The following GREB1 variants were observed in gnomAD, a reference collection of about 807,000 sequenced individuals.
GREB1 encodes protein GREB1.
GREB1 carries 106 observed loss-of-function variants against 200.7 expected under a neutral mutation model. The ratio of observed to expected loss-of-function variants is 0.53; its 90% CI spans 0.45 to 0.62. The LOEUF (loss-of-function observed/expected upper bound fraction) is 0.62. Among genes scored for constraint, GREB1 ranks in the 20% least tolerant of loss-of-function variants. GREB1 has a pLI of 0.00. For missense variants in GREB1, 2,243 were observed against 2,556.8 expected, an observed-to-expected ratio of 0.88 and a Z score of 2.65; for synonymous variants, 1,132 against 1,092.4, an observed-to-expected ratio of 1.04 and a Z score of -0.72.
At chr2:11,559,567 T>C (rs900988928) in intron 2 of GREB1, among the ~76,000 whole-genome samples, 1 of 152,214 alleles carries the variant, frequency 6.6e-6, no homozygotes, top group African/African-American at 2.4e-5. Context: ...TGGGGGCTGC[T>C]GGTTTTAGTT....
chr2:11,559,314 T>C (rs1193993735), intron 2 of GREB1, among the ~76,000 whole-genome samples: 1 of 152,220 alleles, frequency 6.6e-6, no homozygotes, highest in Non-Finnish European at 1.5e-5. Context: ...CGGGCAGGAA[T>C]GTCCCCTCGA....
intron 1 of GREB1, among the ~76,000 whole-genome samples, chr2:11,547,508 T>G (rs1675397603): frequency 6.6e-6 from 1 of 152,238 alleles, no homozygotes; most frequent in South Asian, 2.1e-4. Flanking sequence ...TCAGCTTCTC[T>G]TCTACTGAGA....
At chr2:11,506,471 A>G (rs1342743235) in intron 1 of GREB1, among the ~76,000 whole-genome samples, 1 of 152,200 alleles carries the variant, frequency 6.6e-6, no homozygotes, top group South Asian at 2.1e-4. Flanking sequence ...TACCCAGACC[A>G]GTGGGCATTT....
At chr2:11,567,200 C>T (rs1296404901) in intron 4 of GREB1, among the ~76,000 whole-genome samples, 1 of 152,212 alleles carries the variant, frequency 6.6e-6, no homozygotes, top group East Asian at 1.9e-4. Context: ...TCTCAGCTCA[C>T]TGCGACCCCC....
Position 11,637,790 on chromosome 2 carries a change from A to C in GREB1, c.5421A>C (p.Ala1807=). ...CGGACAGCAAGCACACGTTCCTCGC[A>C]GCGCCCGCCCAGCTCCTGCTGGAGA... ...CAPDSKHTFL[A]APAQLLLEKF... Residue 1807 remains alanine (A), a synonymous_variant, in exon 31 of 33, where the codon GCA becomes GCC. Coordinates refer to ENST00000381486, the MANE Select transcript of GREB1 (RefSeq NM_014668.4). The C allele has an allele frequency of 6.2e-7, 1 of 1,614,084 alleles. No homozygotes were observed. Among genetic ancestry groups the C allele is most frequent in the Non-Finnish European group, 8.5e-7 (1 of 1,180,020 alleles).
intron 9 of GREB1, chr2:11,587,778 T>C: frequency 3.6e-6 from 4 of 1,111,278 alleles, no homozygotes; most frequent in Non-Finnish European, 2.2e-6. Flanking sequence ...CGAGAGGATT[T>C]GATAGCTTCA....
chr2:11,622,409 C>T (rs1396450581), intron 23 of GREB1, among the ~76,000 whole-genome samples: 1 of 152,192 alleles, frequency 6.6e-6, no homozygotes, highest in African/African-American at 2.4e-5. Context: ...ATAGGCATTT[C>T]TCCCCTGCCT....
intron 26 of GREB1, 69 bp downstream of exon 26, chr2:11,630,178 G>T (rs1684773134): frequency 6.7e-6 from 10 of 1,497,148 alleles, no homozygotes; most frequent in Non-Finnish European, 8.3e-6. Flanking sequence ...GGGGACTAGA[G>T]ACAGAGCTTC....
intron 4 of GREB1, among the ~76,000 whole-genome samples, chr2:11,571,568 G>C (rs1376413351): frequency 6.6e-6 from 1 of 152,160 alleles, no homozygotes; most frequent in Non-Finnish European, 1.5e-5. Flanking sequence ...ACTCGAAAAT[G>C]CTGCCCAAAT....
At chr2:11,533,611 G>A (rs994001767), upstream of GREB1, among the ~76,000 whole-genome samples, 1 of 152,192 alleles carries the variant, frequency 6.6e-6, no homozygotes, top group Admixed American at 6.5e-5. Context: ...GGAAAAAATG[G>A]ATGATACACA....
intron 1 of GREB1, among the ~76,000 whole-genome samples, chr2:11,519,539 T>C (rs1022689638): frequency 7.8e-6 from 1 of 128,906 alleles, no homozygotes; most frequent in African/African-American, 2.9e-5. Flanking sequence ...CACTGCAACC[T>C]CTACCTCCCG....
intron 7 of GREB1, 162 bp from the exon 8 acceptor site, chr2:11,584,998 TC>T (rs1679927985): frequency 4.1e-6 from 2 of 490,896 alleles, no homozygotes; most frequent in Non-Finnish European, 7.2e-6. Context: ...AATTGACATT[TC>T]CTTATGCATA....
At chr2:11,627,700 C>T (rs1181571102) in intron 25 of GREB1, among the ~76,000 whole-genome samples, 1 of 152,162 alleles carries the variant, frequency 6.6e-6, no homozygotes, top group Middle Eastern at 3.2e-3. Context: ...GGATAAGGCT[C>T]CTGACCCAGG....
At chr2:11,609,613 C>T (rs1351607091) in intron 17 of GREB1, among the ~76,000 whole-genome samples, 2 of 152,152 alleles carry the variant, frequency 1.3e-5, no homozygotes, top group Non-Finnish European at 2.9e-5. Context: ...GTTATACCTT[C>T]CTAGACAGCC....
intron 24 of GREB1, among the ~76,000 whole-genome samples, chr2:11,625,855 A>G (rs941491921): frequency 6.6e-6 from 1 of 152,216 alleles, no homozygotes; most frequent in African/African-American, 2.4e-5. Context: ...TTATAAAGAA[A>G]AAGAGGCTTA....
At chr2:11,508,865 C>G (rs1165258570) in intron 1 of GREB1, among the ~76,000 whole-genome samples, 1 of 148,550 alleles carries the variant, frequency 6.7e-6, no homozygotes, top group Non-Finnish European at 1.5e-5. Flanking sequence ...CCAAATTTTT[C>G]TTTCTCTCTT....
In GREB1 at chr2:11,619,645, GT is replaced by G. The variant is rs369573559; in HGVS notation, c.4044+730del. Among the ~76,000 whole-genome samples the G allele has an allele frequency of 6.2e-4, 95 of 152,240 alleles. 1 individual carries two copies. The East Asian group carries it at 0.015, about 25-fold the overall frequency. On this transcript the variant is annotated intron_variant, in intron 22 of 32. Transcript: ENST00000381486. ...GATGGGTGAAAAATAATACCTTACGGTTTTACTAGTAAGGTTGACATATTCT... is the reference window on the plus strand; with the variant it reads ...GATGGGTGAAAAATAATACCTTACGGTTTACTAGTAAGGTTGACATATTCT...
chr2:11,545,582 C>A (rs1236808654), intron 1 of GREB1, among the ~76,000 whole-genome samples: 1 of 152,178 alleles, frequency 6.6e-6, no homozygotes, highest in Non-Finnish European at 1.5e-5. Flanking sequence ...GCATCCTTTT[C>A]TGAAGGAAAA....
chr2:11,511,246 TA>T lies in GREB1; in HGVS notation c.-159+28866del, dbSNP rs535372465. ...TCCATCATCCAGTAAAGCATTTTTC[TA>T]GGGGTCATAGTTTTTCGGGTGCTAC... On this transcript the variant is annotated intron_variant, in intron 1 of 2. Transcript: ENST00000628795. Among the ~76,000 whole-genome samples, 17 of 152,282 alleles carry T rather than the reference TA, an allele frequency of 1.1e-4. No individual in the cohort carries two copies. In the South Asian group the frequency reaches 3.5e-3, roughly 32 times the overall value.
Sources: gnomAD v4.1 joint callset for allele counts (sites outside exome capture counted in the v4.1 genomes callset) on GRCh38, gnomAD v4.1.1 for gene constraint, MANE v1.5 for transcripts, NCBI Gene and HGNC (gene_info 2026-07-23, HGNC 2026-07-21) for gene names.